Variants in GFPT2 observed in about 807,000 individuals in gnomAD.
The protein encoded by GFPT2 is glutamine--fructose-6-phosphate transaminase 2.
GFPT2 carries 62 observed loss-of-function variants against 85.6 expected under a neutral mutation model. The ratio of observed to expected loss-of-function variants is 0.72; its 90% CI spans 0.59 to 0.90. GFPT2 has a LOEUF of 0.90. GFPT2 is among the 40% of genes least tolerant of loss of function. GFPT2 has a pLI of 0.00. For synonymous variants in GFPT2, 368 were observed against 344.5 expected, an observed-to-expected ratio of 1.07 and a Z score of -0.75; for missense variants, 788 against 893.4, an observed-to-expected ratio of 0.88 and a Z score of 1.50.
At chr5:180,350,902 C>G (rs1764698818) in intron 1 of GFPT2, among the ~76,000 whole-genome samples, 1 of 152,202 alleles carries the variant, frequency 6.6e-6, no homozygotes, top group Non-Finnish European at 1.5e-5. Context: ...GGCCTTAGGT[C>G]TCCGCCCCTG....
At chr5:180,317,841 G>A (rs916710027) in intron 10 of GFPT2, among the ~76,000 whole-genome samples, 1 of 151,982 alleles carries the variant, frequency 6.6e-6, no homozygotes, top group African/African-American at 2.4e-5. Flanking sequence ...GTGCTGATGG[G>A]ACAATGGGGC....
rs868709474 is a variant in GFPT2 at position 180,335,909 on chromosome 5, C to T, written c.259G>A (p.Gly87Ser). 8 of 1,575,720 alleles carry T rather than the reference C, an allele frequency of 5.1e-6. No homozygotes were observed. Among genetic ancestry groups the T allele is most frequent in the African/African-American group, 1.4e-5 (1 of 72,046 alleles). Reference sequence around the variant, plus strand: ...GTGGCCCAGCGCGTGTGGGCAATGCCGAAGTGTGTCTCAAACTCCACTTTT... The same window carrying T: ...GTGGCCCAGCGCGTGTGGGCAATGCTGAAGTGTGTCTCAAACTCCACTTTT... ...DLKVEFETHFGIAHTRWATHG... is the reference protein window; with the variant it reads ...DLKVEFETHFSIAHTRWATHG... Residue 87 changes from glycine (G) to serine (S), a missense_variant, in exon 4 of 19, where the codon GGC becomes AGC. Coordinates refer to ENST00000253778, the MANE Select transcript of GFPT2 (RefSeq NM_005110.4).
chr5:180,346,280 C>T (rs1250500182), intron 1 of GFPT2, among the ~76,000 whole-genome samples: 1 of 152,124 alleles, frequency 6.6e-6, no homozygotes, highest in African/African-American at 2.4e-5. Flanking sequence ...TCTACCCCCA[C>T]CTCCCCACAA....
intron 7 of GFPT2, 121 bp from the exon 8 acceptor site, chr5:180,325,016 T>G (rs778962112): frequency 2.7e-6 from 2 of 728,492 alleles, no homozygotes; most frequent in Non-Finnish European, 4.9e-6. Flanking sequence ...AGGATCCTGT[T>G]TAGGTCCCAC....
At chr5:180,308,149 G>A (rs1054878103) in intron 15 of GFPT2, among the ~76,000 whole-genome samples, 9 of 151,968 alleles carry the variant, frequency 5.9e-5, no homozygotes, top group Admixed American at 3.9e-4. Flanking sequence ...CCAGCTACTC[G>A]GGAGGCTGAG....
rs534785542 is a variant in GFPT2, at chr5:180,337,282, G to A, written c.116-705C>T. Among the ~76,000 whole-genome samples, 178 of 152,188 alleles carry A rather than the reference G, an allele frequency of 1.2e-3. 1 individual carries two copies. The highest frequency in any genetic ancestry group is 3.9e-3 in the African/African-American group (162 of 41,522). On this transcript the variant is annotated intron_variant, in intron 2 of 18. Coordinates refer to ENST00000253778, the MANE Select transcript of GFPT2 (RefSeq NM_005110.4). ...ATCCTGGTCAACACGGTGAAACCCCGTCTCTACTAAAAGTACAAAAATTAG... is the reference window on the plus strand; with the variant it reads ...ATCCTGGTCAACACGGTGAAACCCCATCTCTACTAAAAGTACAAAAATTAG...
At chr5:180,322,738 A>T (rs149331679) in intron 9 of GFPT2, among the ~76,000 whole-genome samples, 3,483 of 151,688 alleles carry the variant, frequency 0.023, 64 homozygotes, top group Non-Finnish European at 0.036. Context: ...CTTTTTTTTA[A>T]AAAAAAAGAA....
At chr5:180,316,230 G>T in intron 13 of GFPT2, 111 bp downstream of exon 13, 1 of 1,073,760 alleles carries the variant, frequency 9.3e-7, no homozygotes. Context: ...CTGCAAGAGA[G>T]GGTTCGCAGC....
At chr5:180,350,661 T>C (rs1581393266) in intron 1 of GFPT2, among the ~76,000 whole-genome samples, 1 of 151,294 alleles carries the variant, frequency 6.6e-6, no homozygotes, top group African/African-American at 2.4e-5. Flanking sequence ...GGAGGAAATA[T>C]TGTAAATTTT....
In GFPT2 at chr5:180,304,928, C is replaced by G. The variant is rs1763746851; in HGVS notation, c.1686G>C (p.Glu562Asp). ...TGCCTTCTGAGTGCATGTAGGTTAT[C>G]TCTTTAATTTTCTGGAAACAGGAGG... Reference protein sequence around the residue: ...TCLEGALKIKEITYMHSEGIL... With the variant: ...TCLEGALKIKDITYMHSEGIL... Residue 562 changes from glutamate (E) to aspartate (D), a missense_variant, in exon 17 of 19, where the codon GAG becomes GAC. By Grantham distance (45) the Glu-to-Asp change is conservative. Transcript: ENST00000253778. The G allele has an allele frequency of 3.7e-6, 6 of 1,608,146 alleles. No individual in the cohort carries two copies. Among genetic ancestry groups the G allele is most frequent in the Non-Finnish European group, 4.3e-6 (5 of 1,175,016 alleles).
At chr5:180,339,131 G>A (rs35331042) in intron 1 of GFPT2, among the ~76,000 whole-genome samples, 12,824 of 152,128 alleles carry the variant, frequency 0.084, 647 homozygotes, top group Middle Eastern at 0.16. Context: ...TGTAATCCCA[G>A]CCCTTTGGGA....
intron 16 of GFPT2, among the ~76,000 whole-genome samples, chr5:180,306,377 G>A (rs966624909): frequency 1.3e-5 from 2 of 152,230 alleles, no homozygotes; most frequent in Non-Finnish European, 2.9e-5. Context: ...TTGGTGGCCA[G>A]TGCAGCCTCA....
At chr5:180,314,030 T>C in intron 13 of GFPT2, 66 bp from the exon 14 acceptor site, 1 of 1,444,320 alleles carries the variant, frequency 6.9e-7, no homozygotes, top group South Asian at 1.3e-5. Flanking sequence ...AACCCCTTCC[T>C]CCTTCACCGC....
At chr5:180,322,945 G>A (rs1270699518) in intron 9 of GFPT2, among the ~76,000 whole-genome samples, 5 of 151,858 alleles carry the variant, frequency 3.3e-5, no homozygotes, top group Non-Finnish European at 1.5e-5. Flanking sequence ...TGAGGCAGGA[G>A]AATCACTTGA....
intron 4 of GFPT2, among the ~76,000 whole-genome samples, chr5:180,334,394 G>A (rs1251742243): frequency 6.6e-6 from 1 of 152,342 alleles, no homozygotes; most frequent in East Asian, 1.9e-4. Context: ...TGGTGGGGGT[G>A]CCTGCCCATC....
chr5:180,336,228 T>C, intron 3 of GFPT2: 1 of 580,856 alleles, frequency 1.7e-6, no homozygotes, highest in Non-Finnish European at 3.0e-6. Context: ...CAGTATCATT[T>C]GCTGGAATAA....
intron 1 of GFPT2, among the ~76,000 whole-genome samples, chr5:180,345,324 C>T (rs73811446): frequency 0.012 from 1,810 of 152,386 alleles, 38 homozygotes; most frequent in African/African-American, 0.042. Context: ...CCCACAAGGC[C>T]GCGTTGCTGT....
chr5:180,301,514 A>G lies in GFPT2; in HGVS notation c.*50T>C. 2.1e-6 allele frequency: 3 copies of G among 1,444,600 alleles called. No individual in the cohort carries two copies. Among genetic ancestry groups the G allele is most frequent in the Non-Finnish European group, 2.9e-6 (3 of 1,025,068 alleles). 89.5% of individuals were successfully genotyped at this position (1,444,600 alleles called of 1,614,324 possible). On this transcript the variant is annotated 3_prime_UTR_variant, in exon 19 of 19. Transcript: ENST00000253778. ...CATGTAGCATCCCTGCTGTTGGGACAGGTCTGGAATCAGATGAAAGGTGGT... is the reference window on the plus strand; with the variant it reads ...CATGTAGCATCCCTGCTGTTGGGACGGGTCTGGAATCAGATGAAAGGTGGT...
intron 13 of GFPT2, among the ~76,000 whole-genome samples, chr5:180,314,742 C>G (rs1763968165): frequency 6.6e-6 from 1 of 152,128 alleles, no homozygotes; most frequent in Non-Finnish European, 1.5e-5. Context: ...ACTGGAGTGT[C>G]ACGGGGTACT....
Sources: gnomAD v4.1 joint callset for allele counts (sites outside exome capture counted in the v4.1 genomes callset) on GRCh38, gnomAD v4.1.1 for gene constraint, MANE v1.5 for transcripts, NCBI Gene and HGNC (gene_info 2026-07-23, HGNC 2026-07-21) for gene names.